The following NAALADL2 variants were observed in gnomAD, a reference collection of about 807,000 sequenced individuals.
NAALADL2 encodes the protein inactive N-acetylated-alpha-linked acidic dipeptidase-like protein 2.
In NAALADL2, 76 loss-of-function variants were observed where a neutral mutation model predicts 87.2. That is an observed-to-expected ratio of 0.87 (90% CI 0.72 to 1.05). NAALADL2 has a LOEUF of 1.05. NAALADL2 is among the 50% of genes least tolerant of loss of function. NAALADL2 has a pLI of 0.00. For synonymous variants in NAALADL2, 354 were observed against 331.0 expected (o/e 1.07, Z -0.75); for missense variants, 1,089 against 945.8 (o/e 1.15, Z -1.99).
intron 2 of NAALADL2, among the ~76,000 whole-genome samples, chr3:175,231,528 G>C (rs909732868): frequency 6.6e-6 from 1 of 151,966 alleles, no homozygotes; most frequent in Non-Finnish European, 1.5e-5. Context: ...TTCTTCAGTT[G>C]AGCCCTAAAA....
At chr3:175,520,114 T>C (rs16825893) in intron 9 of NAALADL2, among the ~76,000 whole-genome samples, 12,935 of 152,204 alleles carry the variant, frequency 0.085, 722 homozygotes, top group South Asian at 0.14. Context: ...GAGATTTTAT[T>C]TGGCAACAAG....
intron 3 of NAALADL2, among the ~76,000 whole-genome samples, chr3:174,831,733 G>T (rs1722717575): frequency 6.6e-6 from 1 of 151,272 alleles, no homozygotes; most frequent in Non-Finnish European, 1.5e-5. Flanking sequence ...GAATCCATCT[G>T]GTCCTGTACT....
At chr3:174,949,782 A>C (rs1740040769) in intron 1 of NAALADL2, among the ~76,000 whole-genome samples, 1 of 152,234 alleles carries the variant, frequency 6.6e-6, no homozygotes, top group Non-Finnish European at 1.5e-5. Flanking sequence ...GTAGCTAAAC[A>C]TTCAACAACA....
chr3:174,642,748 ACATATAT>A (rs1265885557), intron 2 of NAALADL2, among the ~76,000 whole-genome samples: 3 of 39,596 alleles, frequency 7.6e-5, no homozygotes, highest in South Asian at 1.6e-3. Flanking sequence ...ATGAAAAAAA[ACATATAT>A]ATATATATAT....
intron 5 of NAALADL2, among the ~76,000 whole-genome samples, chr3:175,420,324 T>C (rs1200466537): frequency 6.6e-6 from 1 of 152,048 alleles, no homozygotes; most frequent in Non-Finnish European, 1.5e-5. Context: ...TGGTATCGTT[T>C]GCATATTTGA....
intron 1 of NAALADL2, among the ~76,000 whole-genome samples, chr3:174,972,761 C>G (rs922102454): frequency 6.6e-6 from 1 of 151,866 alleles, no homozygotes; most frequent in Non-Finnish European, 1.5e-5. Context: ...TTTGGGAGGC[C>G]GAGGTGGGCG....
chr3:175,407,361 T>C (rs920640790), intron 5 of NAALADL2, among the ~76,000 whole-genome samples: 56 of 152,192 alleles, frequency 3.7e-4, no homozygotes, highest in Non-Finnish European at 2.9e-5. Context: ...ATTCACAGAA[T>C]GTGGCTGAGT....
At chr3:175,587,104 C>T (rs1720646847) in intron 10 of NAALADL2, among the ~76,000 whole-genome samples, 1 of 152,216 alleles carries the variant, frequency 6.6e-6, no homozygotes, top group Non-Finnish European at 1.5e-5. Flanking sequence ...GATGGACTGA[C>T]ACCAACACTC....
chr3:174,917,271 G>C (rs1734541494), intron 1 of NAALADL2, among the ~76,000 whole-genome samples: 1 of 152,042 alleles, frequency 6.6e-6, no homozygotes, highest in South Asian at 2.1e-4. Context: ...TCATGAATTT[G>C]TTCAAGAACC....
intron 1 of NAALADL2, among the ~76,000 whole-genome samples, chr3:174,926,077 C>T (rs866275325): frequency 2.0e-5 from 3 of 151,796 alleles, no homozygotes; most frequent in Non-Finnish European, 2.9e-5. Context: ...CTTCGGTAGC[C>T]GATTCAATCA....
At chr3:174,845,297 C>A (rs1487673426) in intron 3 of NAALADL2, among the ~76,000 whole-genome samples, 1 of 152,118 alleles carries the variant, frequency 6.6e-6, no homozygotes. Flanking sequence ...TCAGGTGGGC[C>A]ACCTCTGGGC....
intron 1 of NAALADL2, among the ~76,000 whole-genome samples, chr3:174,994,870 T>C (rs1307097207): frequency 6.6e-6 from 1 of 152,200 alleles, no homozygotes; most frequent in Non-Finnish European, 1.5e-5. Flanking sequence ...ATTATCTGCT[T>C]AAGTTGGTCA....
intron 13 of NAALADL2, among the ~76,000 whole-genome samples, chr3:175,789,629 G>A (rs1202512145): frequency 6.6e-6 from 1 of 152,154 alleles, no homozygotes. Flanking sequence ...GTATCAAGAT[G>A]TCCAGTGCAA....
chr3:174,652,178 T>C (rs1724428137), intron 2 of NAALADL2, among the ~76,000 whole-genome samples: 1 of 152,104 alleles, frequency 6.6e-6, no homozygotes, highest in South Asian at 2.1e-4. Flanking sequence ...GAGAACACAA[T>C]GGGAATTGTG....
At chr3:175,136,649 A>T (rs1729165643) in intron 2 of NAALADL2, among the ~76,000 whole-genome samples, 1 of 151,848 alleles carries the variant, frequency 6.6e-6, no homozygotes, top group Non-Finnish European at 1.5e-5. Context: ...CTTTCTGAAG[A>T]TGCTAAATGG....
intron 6 of NAALADL2, among the ~76,000 whole-genome samples, chr3:175,461,330 C>A (rs1723103505): frequency 6.6e-6 from 1 of 152,122 alleles, no homozygotes; most frequent in Non-Finnish European, 1.5e-5. Context: ...GGCACATTTA[C>A]AATCCTTTGT....
At chr3:174,831,899 G>A (rs1407870542) in intron 3 of NAALADL2, among the ~76,000 whole-genome samples, 1 of 151,120 alleles carries the variant, frequency 6.6e-6, no homozygotes, top group African/African-American at 2.4e-5. Flanking sequence ...TTTGCGTAGA[G>A]GTGTTTGTAG....
intron 5 of NAALADL2, among the ~76,000 whole-genome samples, chr3:175,431,709 T>A (rs541352353): frequency 6.6e-6 from 1 of 152,150 alleles, no homozygotes; most frequent in Non-Finnish European, 1.5e-5. Context: ...CAGGTCAGGA[T>A]ATTTTACTTT....
chr3:174,752,929 T>C (rs1194902772), intron 3 of NAALADL2, among the ~76,000 whole-genome samples: 1 of 152,262 alleles, frequency 6.6e-6, no homozygotes, highest in African/African-American at 2.4e-5. Context: ...AGCCAGATGA[T>C]GGAAGGCCTA....
Sources: allele counts gnomAD v4.1 joint callset (sites outside exome capture counted in the v4.1 genomes callset), GRCh38; gene constraint gnomAD v4.1.1; transcripts MANE v1.5; gene names NCBI Gene and HGNC (gene_info 2026-07-23, HGNC 2026-07-21).